MAP4: variants seen among roughly 807,000 people sequenced by gnomAD.
MAP4 encodes the protein microtubule associated protein 4.
In MAP4, 76 loss-of-function variants were observed where a neutral mutation model predicts 170.2. The observed-to-expected ratio is 0.45, with a 90% CI of 0.37 to 0.54. The LOEUF is 0.54. Among genes scored for constraint, MAP4 ranks in the 20% least tolerant of loss-of-function variants. The pLI, the probability that MAP4 is intolerant of heterozygous loss-of-function variation, is 0.00. For synonymous variants in MAP4, 909 were observed against 994.5 expected (o/e 0.91, Z 1.62); for missense variants, 2,506 against 2,748.0 (o/e 0.91, Z 1.97).
intron 10 of MAP4, among the ~76,000 whole-genome samples, chr3:47,884,253 GT>G (rs1482447374): frequency 1.3e-5 from 2 of 152,058 alleles, no homozygotes; most frequent in Non-Finnish European, 2.9e-5. Context: ...TCTGTCCTCT[GT>G]TATCTGCAGT....
chr3:48,034,475 G>A (rs2100117754), intron 1 of MAP4, among the ~76,000 whole-genome samples: 1 of 151,936 alleles, frequency 6.6e-6, no homozygotes, highest in Non-Finnish European at 1.5e-5. Context: ...GCCCAAGACA[G>A]GTGAATTACT....
At chr3:48,051,682 A>G (rs2100127977) in intron 1 of MAP4, among the ~76,000 whole-genome samples, 1 of 152,164 alleles carries the variant, frequency 6.6e-6, no homozygotes, top group Non-Finnish European at 1.5e-5. Flanking sequence ...AACTACCACC[A>G]CATAATCATG....
intron 6 of MAP4, 151 bp from the exon 7 acceptor site, chr3:47,917,325 C>T (rs1180071428): frequency 1.2e-5 from 8 of 663,322 alleles, no homozygotes; most frequent in African/African-American, 1.8e-5. Flanking sequence ...CAGTGGCTCA[C>T]GCCTGTAATC....
At chr3:47,934,686 C>A (rs979012595) in intron 3 of MAP4, among the ~76,000 whole-genome samples, 1 of 152,194 alleles carries the variant, frequency 6.6e-6, no homozygotes, top group African/African-American at 2.4e-5. Context: ...TTCACACCCT[C>A]AGCTCTTTCC....
At chr3:48,049,060 T>C (rs2100126140) in intron 1 of MAP4, among the ~76,000 whole-genome samples, 1 of 152,244 alleles carries the variant, frequency 6.6e-6, no homozygotes, top group Admixed American at 6.5e-5. Flanking sequence ...ACTAAGCACA[T>C]TACCCTTGTA....
intron 2 of MAP4, among the ~76,000 whole-genome samples, chr3:47,992,414 T>C (rs1008244361): frequency 2.6e-5 from 4 of 152,142 alleles, no homozygotes; most frequent in Admixed American, 2.6e-4. Context: ...CCTATCATAA[T>C]TATAAACTTT....
intron 17 of MAP4, 27 bp downstream of exon 17, chr3:47,867,219 T>C (rs894750771): frequency 2.6e-6 from 4 of 1,524,840 alleles, no homozygotes; most frequent in Non-Finnish European, 1.8e-6. Context: ...ATATCTCAGA[T>C]GCCAGCTAAC....
At chr3:48,074,488 TTA>T (rs59476975) in intron 1 of MAP4, among the ~76,000 whole-genome samples, 96,319 of 131,978 alleles carry the variant, frequency 0.73, 35,848 homozygotes, top group African/African-American at 0.86. Context: ...ACAAAATACA[TTA>T]TATATATATA....
At chr3:47,903,367 A>G (rs2100031179) in intron 9 of MAP4, among the ~76,000 whole-genome samples, 1 of 152,144 alleles carries the variant, frequency 6.6e-6, no homozygotes, top group South Asian at 2.1e-4. Context: ...CCCCGTCTCT[A>G]CTAAAAATAC....
chr3:47,930,194 CCAG>C (rs2100048724), intron 3 of MAP4, among the ~76,000 whole-genome samples: 1 of 151,896 alleles, frequency 6.6e-6, no homozygotes, highest in East Asian at 1.9e-4. Context: ...GCCTGTAATC[CCAG>C]CACTTTGGGA....
intron 1 of MAP4, among the ~76,000 whole-genome samples, chr3:48,062,785 G>A (rs1344737634): frequency 1.2e-4 from 18 of 151,544 alleles, no homozygotes; most frequent in Middle Eastern, 3.4e-3. Context: ...TTAGCCAGGC[G>A]TGGTGGCACA....
Position 47,852,455 on chromosome 3 carries a change from C to A in MAP4, c.*479G>T. 1 of 282,210 alleles carries A rather than the reference C, an allele frequency of 3.5e-6. No homozygotes were observed. Among genetic ancestry groups the A allele is most frequent in the Non-Finnish European group, 6.7e-6 (1 of 149,992 alleles). 17.5% of individuals were successfully genotyped at this position (282,210 alleles called of 1,614,324 possible). On this transcript the variant is annotated 3_prime_UTR_variant, in exon 21 of 21. Transcript: ENST00000683076. The stretch of plus-strand genomic sequence containing the variant: ...CCACGGTCAGCGTCCTGTCACCACT[C>A]GGAATCCACCTCCACTCTTCCCTCC...
chr3:47,866,347 A>AAAAC (rs375667786), intron 17 of MAP4, among the ~76,000 whole-genome samples: 3,916 of 151,276 alleles, frequency 0.026, 75 homozygotes, highest in African/African-American at 0.023. Flanking sequence ...AAACAAAAAC[A>AAAAC]AAACAAACAA....
At chr3:48,010,560 T>C (rs2100104719) in intron 1 of MAP4, among the ~76,000 whole-genome samples, 1 of 152,184 alleles carries the variant, frequency 6.6e-6, no homozygotes, top group African/African-American at 2.4e-5. Flanking sequence ...ATTGTCTTTA[T>C]TTTAAGATTA....
At chr3:47,958,352 A>G (rs888767141) in intron 3 of MAP4, among the ~76,000 whole-genome samples, 1 of 152,252 alleles carries the variant, frequency 6.6e-6, no homozygotes, top group African/African-American at 2.4e-5. Flanking sequence ...CAAGGGAAAC[A>G]TGAAATAGGT....
chr3:48,055,723 G>T lies in MAP4; in HGVS notation c.-20+33050C>A, dbSNP rs1192391012. ...CTGCCCAGTCTGGAAAGTGAGGAGC[G>T]TCTCCGCCCGGCCGCCATCCCATCT... On this transcript the variant is annotated intron_variant, in intron 1 of 18. Coordinates refer to the MAP4 transcript ENST00000360240. Among the ~76,000 whole-genome samples the T allele has an allele frequency of 9.1e-3, 783 of 85,756 alleles. 5 individuals are homozygous for T. The highest frequency in any genetic ancestry group is 0.014 in the Non-Finnish European group (598 of 41,570). The allele number at this position is 85,756 out of a possible 152,430, so 56.3% of individuals were successfully genotyped here.
chr3:48,060,418 G>A (rs1024030025), intron 1 of MAP4, among the ~76,000 whole-genome samples: 1 of 151,936 alleles, frequency 6.6e-6, no homozygotes, highest in African/African-American at 2.4e-5. Context: ...TAACATAGAA[G>A]AAAATCTAGG....
chr3:48,006,412 C>A (rs954992740), intron 1 of MAP4, among the ~76,000 whole-genome samples: 4 of 152,114 alleles, frequency 2.6e-5, no homozygotes, highest in African/African-American at 9.7e-5. Flanking sequence ...ACTAGGGGCT[C>A]ATGGAAGTCA....
intron 17 of MAP4, among the ~76,000 whole-genome samples, chr3:47,862,531 G>A (rs929069664): frequency 6.6e-6 from 1 of 151,898 alleles, no homozygotes; most frequent in African/African-American, 2.4e-5. Context: ...AGGCTGGAGT[G>A]CAGTGGCGTG....
Sources: gnomAD v4.1 joint callset for allele counts (sites outside exome capture counted in the v4.1 genomes callset) on GRCh38, gnomAD v4.1.1 for gene constraint, MANE v1.5 for transcripts, NCBI Gene and HGNC (gene_info 2026-07-23, HGNC 2026-07-21) for gene names.